The following GREB1L variants were observed in gnomAD, a reference collection of about 807,000 sequenced individuals.
GREB1L encodes the protein GREB1 like retinoic acid receptor coactivator.
Under a neutral mutation model 200.8 loss-of-function variants are expected in GREB1L, and 17 were observed. The observed-to-expected ratio is 0.08, with a 90% CI of 0.06 to 0.13. The LOEUF is 0.13. Ranked by LOEUF, GREB1L falls within the 10% of genes least tolerant of loss-of-function variation. The pLI, the probability that GREB1L is intolerant of heterozygous loss-of-function variation, is 1.00. For synonymous variants in GREB1L, 789 were observed against 893.0 expected (o/e 0.88, Z 2.08); for missense variants, 1,657 against 2,367.7 (o/e 0.70, Z 6.23).
intron 1 of GREB1L, among the ~76,000 whole-genome samples, chr18:21,351,497 C>A (rs2143305808): frequency 6.6e-6 from 1 of 151,794 alleles, no homozygotes; most frequent in South Asian, 2.1e-4. Flanking sequence ...CACTTGAATC[C>A]AGGAGGTGGA....
At chr18:21,247,731 A>G (rs2037630991) in intron 1 of GREB1L, among the ~76,000 whole-genome samples, 1 of 152,212 alleles carries the variant, frequency 6.6e-6, no homozygotes, top group African/African-American at 2.4e-5. Context: ...ATATTTTAGA[A>G]AAAAGGATCT....
intron 25 of GREB1L, among the ~76,000 whole-genome samples, chr18:21,507,849 G>A (rs2037077893): frequency 6.6e-6 from 1 of 152,154 alleles, no homozygotes; most frequent in South Asian, 2.1e-4. Flanking sequence ...GTGGCTCTGA[G>A]AGCACACAGA....
intron 1 of GREB1L, chr18:21,363,848 CA>C: frequency 6.6e-6 from 1 of 152,268 alleles, no homozygotes; most frequent in East Asian, 1.9e-4. Flanking sequence ...CTGAGGGAGA[CA>C]TCTGCATCAT....
At chr18:21,508,715 GAA>G (rs35816889) in intron 27 of GREB1L, 124 bp downstream of exon 27, 3,960 of 376,532 alleles carry the variant, frequency 0.011, no homozygotes, top group Middle Eastern at 0.021. Flanking sequence ...CCACTCTTCG[GAA>G]AAAAAAAAAA....
At chr18:21,443,263 C>T (rs1483856550) in intron 10 of GREB1L, among the ~76,000 whole-genome samples, 4 of 151,842 alleles carry the variant, frequency 2.6e-5, no homozygotes, top group South Asian at 2.1e-4. Context: ...AGTGCAGTGG[C>T]GCGATCTCGG....
In GREB1L at chr18:21,499,832, G is replaced by A; in HGVS notation, c.3495G>A (p.Leu1165=). The A allele has an allele frequency of 6.4e-7, 1 of 1,551,748 alleles. No homozygotes were observed. Among genetic ancestry groups the A allele is most frequent in the Non-Finnish European group, 8.7e-7 (1 of 1,146,984 alleles). The part of the protein sequence containing the change: ...SFQSPATSLG[L]DEGVSASSAG... ...AGAGCCCAGCCACCAGCTTGGGGCT[G>A]GATGAAGGGGTCTCCGCCAGCTCAG... Residue 1165 remains leucine (L), a synonymous_variant, in exon 22 of 33, where the codon CTG becomes CTA. Transcript: ENST00000424526.
chr18:21,448,020 A>G (rs569640684), intron 11 of GREB1L, among the ~76,000 whole-genome samples: 4 of 152,156 alleles, frequency 2.6e-5, no homozygotes, highest in African/African-American at 9.6e-5. Context: ...AAAATTAGCC[A>G]GGCATGTTGG....
At chr18:21,303,361 A>G (rs1225043206) in intron 1 of GREB1L, among the ~76,000 whole-genome samples, 1 of 152,232 alleles carries the variant, frequency 6.6e-6, no homozygotes, top group Admixed American at 6.5e-5. Context: ...AGGGGGAGAA[A>G]AGTTCCCAAA....
intron 21 of GREB1L, among the ~76,000 whole-genome samples, chr18:21,499,298 G>T (rs1230024035): frequency 1.3e-5 from 2 of 152,206 alleles, no homozygotes; most frequent in Admixed American, 1.3e-4. Context: ...TTAGTAGAGG[G>T]ACTATTTACT....
At chr18:21,396,463 ACT>A (rs934211194) in intron 5 of GREB1L, among the ~76,000 whole-genome samples, 1 of 152,176 alleles carries the variant, frequency 6.6e-6, no homozygotes, top group Non-Finnish European at 1.5e-5. Flanking sequence ...AAGAGAATTC[ACT>A]CTCTATAGTC....
intron 28 of GREB1L, among the ~76,000 whole-genome samples, chr18:21,514,775 C>T (rs539525494): frequency 6.6e-6 from 1 of 152,278 alleles, no homozygotes; most frequent in East Asian, 1.9e-4. Context: ...GGAAAGTCAT[C>T]TCACCTCTCC....
At chr18:21,504,248 T>C (rs2036922854) in intron 23 of GREB1L, among the ~76,000 whole-genome samples, 1 of 148,624 alleles carries the variant, frequency 6.7e-6, no homozygotes, top group African/African-American at 2.5e-5. Context: ...AAATGTACCA[T>C]CTCTGGCTGG....
At chr18:21,414,893 C>A (rs2031474189) in intron 7 of GREB1L, among the ~76,000 whole-genome samples, 1 of 150,910 alleles carries the variant, frequency 6.6e-6, no homozygotes, top group South Asian at 2.1e-4. Context: ...ATTTTAAATA[C>A]ACTATTCATC....
chr18:21,424,927 C>T (rs1285050673), intron 7 of GREB1L, among the ~76,000 whole-genome samples: 1 of 152,102 alleles, frequency 6.6e-6, no homozygotes, highest in Non-Finnish European at 1.5e-5. Context: ...TTGTGAGTAG[C>T]TTCTTTCATT....
chr18:21,491,492 G>A (rs1330479318), intron 19 of GREB1L, among the ~76,000 whole-genome samples: 1 of 151,828 alleles, frequency 6.6e-6, no homozygotes, highest in Admixed American at 6.6e-5. Context: ...GACAGATCAG[G>A]AGGTCAGGAG....
chr18:21,244,265 T>C (rs1476324063), intron 1 of GREB1L, among the ~76,000 whole-genome samples: 3 of 152,232 alleles, frequency 2.0e-5, no homozygotes, highest in African/African-American at 7.2e-5. Context: ...TGGAATTCTT[T>C]ATGAAGTAGA....
At chr18:21,473,241 CT>C in intron 16 of GREB1L, 30 bp downstream of exon 16, 1 of 1,411,376 alleles carries the variant, frequency 7.1e-7, no homozygotes, top group African/African-American at 1.5e-5. Context: ...CAAATGGAGT[CT>C]CCCTTCTACA....
At chr18:21,457,900 T>C (rs1021860792) in intron 15 of GREB1L, among the ~76,000 whole-genome samples, 5 of 151,962 alleles carry the variant, frequency 3.3e-5, no homozygotes, top group Non-Finnish European at 7.4e-5. Flanking sequence ...TATGTCATCA[T>C]GTGAATTGAG....
chr18:21,401,393 C>A, intron 6 of GREB1L, 67 bp downstream of exon 6: 1 of 1,317,360 alleles, frequency 7.6e-7, no homozygotes, highest in Non-Finnish European at 1.0e-6. Context: ...GTGACCCATA[C>A]AAGATTCAGA....
Sources: allele counts gnomAD v4.1 joint callset (sites outside exome capture counted in the v4.1 genomes callset), GRCh38; gene constraint gnomAD v4.1.1; transcripts MANE v1.5; gene names NCBI Gene and HGNC (gene_info 2026-07-23, HGNC 2026-07-21).